Variants in TRAP1 observed in about 807,000 individuals in gnomAD.
TRAP1 encodes heat shock protein 75 kDa, mitochondrial.
A neutral mutation model predicts 89.1 loss-of-function variants in TRAP1; 102 were observed. The observed-to-expected ratio is 1.15, with a 90% CI of 0.98 to 1.35. The LOEUF (loss-of-function observed/expected upper bound fraction) is 1.35, where lower values mean the gene tolerates loss of function less well. Ranked by LOEUF, TRAP1 falls within the 40% of genes most tolerant of loss-of-function variation. TRAP1 has a pLI of 0.00. For synonymous variants in TRAP1, 508 were observed against 388.0 expected (o/e 1.31, Z -3.64); for missense variants, 1,256 against 945.3 (o/e 1.33, Z -4.31).
intron 1 of TRAP1, among the ~76,000 whole-genome samples, chr16:3,706,893 T>C (rs994292191): frequency 1.3e-5 from 2 of 152,076 alleles, no homozygotes; most frequent in African/African-American, 4.8e-5. Flanking sequence ...TGCCTCAGGG[T>C]AGAACTGTGG....
chr16:3,671,427 A>G (rs531907294), intron 11 of TRAP1, among the ~76,000 whole-genome samples: 102 of 152,296 alleles, frequency 6.7e-4, no homozygotes, highest in African/African-American at 2.4e-3. Context: ...GGCCTGCTGC[A>G]GGGCTGCAGT....
At chr16:3,661,702 C>T in intron 16 of TRAP1, 2 of 361,104 alleles carry the variant, frequency 5.5e-6, no homozygotes, top group Non-Finnish European at 4.9e-6. Context: ...CAAAACTGAG[C>T]ATGTCCAGGA....
chr16:3,711,684 C>T lies in TRAP1; in HGVS notation c.88+5737G>A, dbSNP rs540794586. ...ATACTCCCGCAAGTAGATACTGTTT[C>T]TCCAAGCTACAGCTTTTATGGTAAT... On this transcript the variant is annotated intron_variant, in intron 1 of 17. Transcript: ENST00000246957. Among the ~76,000 whole-genome samples, 4 of 152,240 alleles carry T rather than the reference C, an allele frequency of 2.6e-5. No homozygotes were observed. The East Asian group carries it at 7.7e-4, about 29-fold the overall frequency.
intron 7 of TRAP1, among the ~76,000 whole-genome samples, chr16:3,675,628 G>A (rs943739547): frequency 2.6e-5 from 4 of 152,218 alleles, no homozygotes; most frequent in African/African-American, 7.2e-5. Context: ...CGGCTGCTGC[G>A]AGACTGCAAT....
At chr16:3,712,881 G>A (rs549880563) in intron 1 of TRAP1, among the ~76,000 whole-genome samples, 1 of 152,310 alleles carries the variant, frequency 6.6e-6, no homozygotes, top group Non-Finnish European at 1.5e-5. Context: ...CTCCCAAAGT[G>A]CTGGGATTAC....
chr16:3,675,259 G>C lies in TRAP1; in HGVS notation c.888+65C>G. 6 of 1,528,374 alleles carry C rather than the reference G, an allele frequency of 3.9e-6. No individual in the cohort carries two copies. In the South Asian group the frequency reaches 6.8e-5, roughly 17 times the overall value. The allele number at this position is 1,528,374 out of a possible 1,614,324, so 94.7% of individuals were successfully genotyped here. A position where few individuals can be genotyped will look rare whatever the true frequency, so the allele number is the denominator to read the frequency against. ...CATCCCCTGGGCTCATCTCTTCTCC[G>C]CTGCCCTGAAACGTACAGATTTGTC... On this transcript the variant is annotated intron_variant, in intron 8 of 17. Coordinates refer to ENST00000246957, the MANE Select transcript of TRAP1 (RefSeq NM_016292.3).
intron 7 of TRAP1, 70 bp downstream of exon 7, chr16:3,675,966 C>T (rs905854240): frequency 2.2e-6 from 3 of 1,344,502 alleles, no homozygotes; most frequent in Non-Finnish European, 3.1e-6. Flanking sequence ...AGGGAAAATG[C>T]CTGCTGACCT....
At chr16:3,670,280 G>A (rs957986472) in intron 11 of TRAP1, among the ~76,000 whole-genome samples, 2 of 149,868 alleles carry the variant, frequency 1.3e-5, no homozygotes, top group African/African-American at 5.0e-5. Flanking sequence ...TGAGACGGGA[G>A]GCTGAGACAG....
At chr16:3,690,014 CTT>C in intron 2 of TRAP1, among the ~76,000 whole-genome samples, 1 of 148,076 alleles carries the variant, frequency 6.8e-6, no homozygotes. Flanking sequence ...TATGTTCTTT[CTT>C]TTTTTTTTAG....
chr16:3,677,599 A>T lies in TRAP1; in HGVS notation c.603T>A (p.Phe201Leu), dbSNP rs750161132. 3 of 1,614,158 alleles carry T rather than the reference A, an allele frequency of 1.9e-6. No homozygotes were observed. Among genetic ancestry groups the T allele is most frequent in the Non-Finnish European group, 2.5e-6 (3 of 1,180,024 alleles). Reference sequence around the variant, plus strand: ...TGAAAGCTGAGTAGAAACCCACTCCAAACTGGCCGATGATCTTGCTGCTGG... The same window carrying T: ...TGAAAGCTGAGTAGAAACCCACTCCTAACTGGCCGATGATCTTGCTGCTGG... ...AEASSKIIGQ[F>L]GVGFYSAFMV... is the part of the protein sequence containing the mutation. The change falls in exon 6 of 18, where the codon TTT (phenylalanine) becomes TTA (leucine). Residue 201 changes from phenylalanine to leucine, a missense_variant. Physicochemically the swap from Phe to Leu is conservative, Grantham distance 22. Transcript: ENST00000246957.
At chr16:3,661,272 C>G (rs2043057083) in intron 16 of TRAP1, 1 of 151,982 alleles carries the variant, frequency 6.6e-6, no homozygotes, top group African/African-American at 2.4e-5. Flanking sequence ...GAAAGAAACT[C>G]AAAAGATACC....
intron 1 of TRAP1, among the ~76,000 whole-genome samples, chr16:3,692,692 G>A (rs1348708499): frequency 7.0e-5 from 10 of 143,774 alleles, no homozygotes; most frequent in South Asian, 4.6e-4. Context: ...TCCACCTCCC[G>A]GGTTCAAGCG....
intron 1 of TRAP1, among the ~76,000 whole-genome samples, chr16:3,715,529 G>C (rs997145734): frequency 3.3e-5 from 5 of 152,178 alleles, no homozygotes; most frequent in African/African-American, 4.8e-5. Context: ...AAGGGACAGT[G>C]CATGATACAA....
chr16:3,694,060 G>A (rs1004806987), intron 1 of TRAP1, among the ~76,000 whole-genome samples: 3 of 151,120 alleles, frequency 2.0e-5, no homozygotes, highest in East Asian at 1.9e-4. Context: ...TGGAGGTGCC[G>A]AGGGAGAGTC....
At chr16:3,662,603 T>TC in intron 15 of TRAP1, 1 of 641,290 alleles carries the variant, frequency 1.6e-6, no homozygotes, top group Non-Finnish European at 2.9e-6. Context: ...AACCCCCACG[T>TC]CCTCAGCCAT....
chr16:3,683,187 C>A (rs1055524461), intron 4 of TRAP1, among the ~76,000 whole-genome samples: 1 of 151,692 alleles, frequency 6.6e-6, no homozygotes, highest in Non-Finnish European at 1.5e-5. Flanking sequence ...AAAATCTTCC[C>A]GGTCATCAAA....
At chr16:3,698,225 A>C (rs1461463400) in intron 1 of TRAP1, among the ~76,000 whole-genome samples, 1 of 152,132 alleles carries the variant, frequency 6.6e-6, no homozygotes, top group Non-Finnish European at 1.5e-5. Context: ...GAATTGCAAG[A>C]CTTAGTATCA....
chr16:3,663,007 C>G, intron 14 of TRAP1, 40 bp from the exon 15 acceptor site: 1 of 1,521,966 alleles, frequency 6.6e-7, no homozygotes, highest in South Asian at 1.2e-5. Flanking sequence ...GGCCTGCATC[C>G]CAACTCCCCG....
chr16:3,676,288 G>C, intron 6 of TRAP1, 143 bp from the exon 7 acceptor site: 2 of 499,610 alleles, frequency 4.0e-6, no homozygotes, highest in Non-Finnish European at 3.5e-6. Context: ...TCTGACCCCA[G>C]CGCACCACTC....
Sources: allele counts gnomAD v4.1 joint callset (sites outside exome capture counted in the v4.1 genomes callset), GRCh38; gene constraint gnomAD v4.1.1; transcripts MANE v1.5; gene names NCBI Gene and HGNC (gene_info 2026-07-23, HGNC 2026-07-21).